The following PREX1 variants were observed in gnomAD, a reference collection of about 807,000 sequenced individuals.
PREX1 encodes phosphatidylinositol-3,4,5-trisphosphate dependent Rac exchange factor 1, also known as phosphatidylinositol 3,4,5-trisphosphate-dependent Rac exchanger 1 protein.
Under a neutral mutation model 198.3 loss-of-function variants are expected in PREX1, and 41 were observed. That is an observed-to-expected ratio of 0.21 (90% CI 0.16 to 0.27). The LOEUF is 0.27. Among genes scored for constraint, PREX1 ranks in the 10% least tolerant of loss-of-function variants. PREX1 has a pLI of 1.00. For synonymous variants in PREX1, 843 were observed against 887.2 expected, an observed-to-expected ratio of 0.95 and a Z score of 0.89; for missense variants, 1,620 against 2,200.7, an observed-to-expected ratio of 0.74 and a Z score of 5.28.
At chr20:48,658,382 C>T (rs2089562200) in intron 16 of PREX1, among the ~76,000 whole-genome samples, 154 bp from the exon 17 acceptor site, 1 of 152,238 alleles carries the variant, frequency 6.6e-6, no homozygotes, top group African/African-American at 2.4e-5. Flanking sequence ...GCAAACAGCA[C>T]CTGGCAGAGC....
intron 3 of PREX1, among the ~76,000 whole-genome samples, chr20:48,740,359 G>A (rs1445142024): frequency 6.6e-6 from 1 of 152,182 alleles, no homozygotes; most frequent in African/African-American, 2.4e-5. Flanking sequence ...CCTCAGCTAA[G>A]GCCCTCTCCT....
rs1039630578 is a variant in PREX1 at position 48,666,781 on chromosome 20, T to C, written c.1666-426A>G. Among the ~76,000 whole-genome samples the C allele has an allele frequency of 4.6e-5, 7 of 152,148 alleles. No individual in the cohort carries two copies. The highest frequency in any genetic ancestry group is 7.4e-5 in the Non-Finnish European group (5 of 68,014). The stretch of plus-strand genomic sequence containing the variant: ...ACCTCGTGATCCGTCCGTCTTGGCC[T>C]CCCAAAGTGCTGGAATTACAGGCAT... On this transcript the variant is annotated intron_variant, in intron 14 of 39. Coordinates refer to ENST00000371941, the MANE Select transcript of PREX1 (RefSeq NM_020820.4). The surrounding 1 kb of genome is among the most constrained non-coding windows in gnomAD (Gnocchi z 4.3).
intron 35 of PREX1, among the ~76,000 whole-genome samples, 200 bp downstream of exon 35, chr20:48,632,077 T>G (rs1292330305): frequency 6.6e-6 from 1 of 152,194 alleles, no homozygotes; most frequent in African/African-American, 2.4e-5. Context: ...CTCAGTCGCC[T>G]CCTCTGTAAA....
intron 5 of PREX1, among the ~76,000 whole-genome samples, chr20:48,709,671 C>T (rs911403902): frequency 6.6e-6 from 1 of 152,204 alleles, no homozygotes; most frequent in Non-Finnish European, 1.5e-5. Flanking sequence ...ACCCAGGCTG[C>T]CTGGTGCTGC....
chr20:48,703,494 G>A (rs2089886078), intron 6 of PREX1, among the ~76,000 whole-genome samples: 1 of 152,138 alleles, frequency 6.6e-6, no homozygotes, highest in Non-Finnish European at 1.5e-5. Flanking sequence ...GAACTCCCTG[G>A]GGCTTCATCA....
upstream of PREX1, among the ~76,000 whole-genome samples, chr20:48,828,321 C>T (rs187761719): frequency 8.2e-3 from 1,187 of 144,728 alleles, 17 homozygotes; most frequent in African/African-American, 0.029. Flanking sequence ...ACGCGTGGCG[C>T]CCCCCCAACC....
At chr20:48,840,477 C>T in the PREX1 span, among the ~76,000 whole-genome samples, 20 of 152,162 alleles carry the variant, frequency 1.3e-4, no homozygotes, top group South Asian at 1.2e-3. Flanking sequence ...TGTGAGCAAG[C>T]GTTTTCAGGT....
chr20:48,699,282 T>G (rs1465117851), intron 7 of PREX1, among the ~76,000 whole-genome samples: 1 of 152,212 alleles, frequency 6.6e-6, no homozygotes, highest in African/African-American at 2.4e-5. Context: ...GCTCTAGTCT[T>G]TGCTAGACAG....
intron 10 of PREX1, among the ~76,000 whole-genome samples, chr20:48,683,512 G>A (rs917897714): frequency 6.6e-6 from 1 of 152,230 alleles, no homozygotes; most frequent in African/African-American, 2.4e-5. Context: ...GAAATCCTGA[G>A]CTGGGATGCA....
chr20:48,784,045 G>A (rs2090301442), intron 1 of PREX1, among the ~76,000 whole-genome samples: 1 of 152,156 alleles, frequency 6.6e-6, no homozygotes, highest in Admixed American at 6.5e-5. Flanking sequence ...AGTGATGCTG[G>A]AGAACCACAG....
chr20:48,649,183 A>G (rs544584686), intron 25 of PREX1, 117 bp downstream of exon 25: 1 of 1,392,408 alleles, frequency 7.2e-7, no homozygotes, highest in Non-Finnish European at 9.6e-7. Context: ...AATAGCCTAT[A>G]ATGTCCAGGA....
chr20:48,718,793 T>A (rs542464333), intron 5 of PREX1, among the ~76,000 whole-genome samples: 1 of 152,236 alleles, frequency 6.6e-6, no homozygotes, highest in Non-Finnish European at 1.5e-5. Context: ...ATTAAGCACA[T>A]CTCAGCATTT....
chr20:48,767,975 T>G (rs2090216995), intron 1 of PREX1, among the ~76,000 whole-genome samples: 1 of 152,184 alleles, frequency 6.6e-6, no homozygotes, highest in Non-Finnish European at 1.5e-5. Flanking sequence ...ATTTTGCTAA[T>G]TTAGAGTCCT....
At chr20:48,826,378 GA>G (rs1228885881) in intron 1 of PREX1, among the ~76,000 whole-genome samples, 2 of 152,064 alleles carry the variant, frequency 1.3e-5, no homozygotes, top group Non-Finnish European at 2.9e-5. Context: ...CTTCCTAGGA[GA>G]GTAGGGAAGT....
chr20:48,775,875 C>T (rs560743971), intron 1 of PREX1, among the ~76,000 whole-genome samples: 29 of 152,164 alleles, frequency 1.9e-4, no homozygotes, highest in African/African-American at 6.0e-4. Context: ...TGCCCAGTGT[C>T]GGGTATGTCT....
intron 13 of PREX1, 36 bp downstream of exon 13, chr20:48,679,324 T>C (rs372367053): frequency 1.3e-6 from 2 of 1,580,238 alleles, no homozygotes; most frequent in Non-Finnish European, 1.7e-6. Flanking sequence ...TGAGAAGAGG[T>C]AGAGGTGAAA....
At chr20:48,774,969 G>A (rs1225707526) in intron 1 of PREX1, among the ~76,000 whole-genome samples, 1 of 152,202 alleles carries the variant, frequency 6.6e-6, no homozygotes, top group African/African-American at 2.4e-5. Context: ...ACTACCCTCC[G>A]AAAAGAGAAG....
chr20:48,708,826 G>A (rs937741065), intron 5 of PREX1, among the ~76,000 whole-genome samples: 5 of 152,170 alleles, frequency 3.3e-5, no homozygotes, highest in African/African-American at 1.2e-4. Flanking sequence ...GGAACAGAAA[G>A]GAGGCAGTGT....
intron 6 of PREX1, among the ~76,000 whole-genome samples, chr20:48,702,963 T>C (rs1210037595): frequency 6.6e-6 from 1 of 152,208 alleles, no homozygotes; most frequent in Non-Finnish European, 1.5e-5. Flanking sequence ...AGAAGTGATG[T>C]TGTCCCTGCC....
Sources: allele counts gnomAD v4.1 joint callset (sites outside exome capture counted in the v4.1 genomes callset), GRCh38; gene constraint gnomAD v4.1.1; non-coding constraint Gnocchi (gnomAD v3.1); transcripts MANE v1.5; gene names NCBI Gene and HGNC (gene_info 2026-07-23, HGNC 2026-07-21).